Variants in DLG5 observed in about 807,000 individuals in gnomAD.
DLG5 encodes discs large MAGUK scaffold protein 5, also known as disks large homolog 5.
Under a neutral mutation model 189.8 loss-of-function variants are expected in DLG5, and 48 were observed. That is an observed-to-expected ratio of 0.25 (90% CI 0.20 to 0.32). The LOEUF is 0.32. Ranked by LOEUF, DLG5 falls within the 10% of genes least tolerant of loss-of-function variation. The pLI is 1.00. For synonymous variants in DLG5, 1,016 were observed against 1,054.1 expected (o/e 0.96, Z 0.70); for missense variants, 2,160 against 2,544.7 (o/e 0.85, Z 3.25).
chr10:77,812,034 G>A lies in DLG5; in HGVS notation c.4212C>T (p.Ser1404=), dbSNP rs756818308. The A allele has an allele frequency of 1.2e-5, 20 of 1,610,596 alleles. No individual in the cohort carries two copies. Among genetic ancestry groups the A allele is most frequent in the South Asian group, 7.7e-5 (7 of 91,088 alleles). ...TGAGCCGCGCCTGCTGCTCCGTGGCGCTCCGCAGGTTTATGCCGTTGAACT... is the reference window on the plus strand; with the variant it reads ...TGAGCCGCGCCTGCTGCTCCGTGGCACTCCGCAGGTTTATGCCGTTGAACT... ...LLEFNGINLR[S]ATEQQARLII... The change falls in exon 22 of 32, where the codon AGC becomes AGT. Residue 1404 remains serine, a synonymous_variant. Coordinates refer to ENST00000372391, the MANE Select transcript of DLG5 (RefSeq NM_004747.4).
Position 77,885,983 on chromosome 10 carries a change from C to G in DLG5, c.305-16786G>C, listed in dbSNP as rs148661129. 3.0e-3 allele frequency among the ~76,000 whole-genome samples: 454 copies of G among 152,294 alleles called. 2 individuals are homozygous for G. Among genetic ancestry groups the G allele is most frequent in the African/African-American group, 0.01 (435 of 41,562 alleles). On this transcript the variant is annotated intron_variant, in intron 1 of 31. Coordinates refer to ENST00000372391, the MANE Select transcript of DLG5 (RefSeq NM_004747.4). The stretch of plus-strand genomic sequence containing the variant: ...ATCCCTAGGTAGAGAAAGGTCCCCC[C>G]AGATAAGCACCTGGACACCCTGTGC...
Position 77,856,521 on chromosome 10 carries a change from G to A in DLG5, c.536+209C>T, listed in dbSNP as rs189671383. Among the ~76,000 whole-genome samples the A allele has an allele frequency of 1.7e-3, 256 of 152,114 alleles. 1 individual carries two copies. Among genetic ancestry groups the A allele is most frequent in the African/African-American group, 5.3e-3 (221 of 41,484 alleles). On this transcript the variant is annotated intron_variant, in intron 3 of 31. Transcript: ENST00000372391. ...CAAGCACACCACTATCAGGGGCCTT[G>A]CCACATGTGGGATGGGGACCTGCCC...
intron 1 of DLG5, among the ~76,000 whole-genome samples, chr10:77,925,348 G>C (rs1846652907): frequency 6.6e-6 from 1 of 152,176 alleles, no homozygotes; most frequent in Non-Finnish European, 1.5e-5. Context: ...TCAGTGCCAT[G>C]TCTTCTTCCT....
chr10:77,843,330 T>A, intron 6 of DLG5, 117 bp downstream of exon 6: 1 of 1,325,374 alleles, frequency 7.5e-7, no homozygotes, highest in South Asian at 1.4e-5. Context: ...TGTTTCCTGG[T>A]CAGAAGCATT....
chr10:77,796,572 C>G lies in DLG5; in HGVS notation c.5187G>C (p.Gln1729His). The G allele has an allele frequency of 6.2e-7, 1 of 1,614,062 alleles. No individual in the cohort carries two copies. Among genetic ancestry groups the G allele is most frequent in the Non-Finnish European group, 8.5e-7 (1 of 1,179,988 alleles). Residue 1729 changes from glutamine to histidine, a missense_variant, in exon 28 of 32, where the codon CAG (glutamine) becomes CAC (histidine). Coordinates refer to ENST00000372391, the MANE Select transcript of DLG5 (RefSeq NM_004747.4). This position sits in a 1 kb window ranked among gnomAD's most constrained non-coding sequence, Gnocchi z 5.2. ...LFEDSVSLAY[Q>H]RVQKVDCTAL... ...CGGTGCAGTCCACCTTCTGGACCCG[C>G]TGATAGGCCAGGCTCACCGAATCTG...
intron 24 of DLG5, 92 bp from the exon 25 acceptor site, chr10:77,808,036 A>T (rs1261990): frequency 0.29 from 420,208 of 1,466,142 alleles, 62,207 homozygotes; most frequent in Admixed American, 0.43. Context: ...TACGGCAGAA[A>T]TTCAACATCC....
At chr10:77,830,133 A>G (rs535305585) in intron 11 of DLG5, 84 bp downstream of exon 11, 28 of 1,561,258 alleles carry the variant, frequency 1.8e-5, no homozygotes, top group Middle Eastern at 2.2e-4. Context: ...ACGTTCACCT[A>G]AGTGCTACCT....
intron 1 of DLG5, among the ~76,000 whole-genome samples, chr10:77,871,209 C>T (rs554620285): frequency 1.3e-5 from 2 of 152,218 alleles, no homozygotes; most frequent in Non-Finnish European, 1.5e-5. Context: ...AAACCAGGAG[C>T]AGCGGGTGGA....
rs1053842810 is a variant in DLG5, at chr10:77,848,886, A to G, written c.864+4468T>C. Among the ~76,000 whole-genome samples, 12 of 152,088 alleles carry G rather than the reference A, an allele frequency of 7.9e-5. No individual in the cohort carries two copies. The East Asian group carries it at 2.3e-3, about 29-fold the overall frequency. On this transcript the variant is annotated intron_variant, in intron 5 of 31. Transcript: ENST00000372391. ...GGGTGGCTGCCCACATTGGTTGAAGATTTTTTTTCTATTTTAACTAAAGAA... is the reference window on the plus strand; with the variant it reads ...GGGTGGCTGCCCACATTGGTTGAAGGTTTTTTTTCTATTTTAACTAAAGAA...
chr10:77,888,358 C>T (rs370974072), intron 1 of DLG5, among the ~76,000 whole-genome samples: 1 of 152,182 alleles, frequency 6.6e-6, no homozygotes, highest in African/African-American at 2.4e-5. Context: ...CCTGCGTGGA[C>T]AGCCCAGTCT....
rs941562173 is a variant in DLG5 at position 77,841,960 on chromosome 10, A to T, written c.1358T>A (p.Val453Glu). ...ISELDKLQTE[V>E]ELAESKLKSS... is the part of the protein sequence containing the mutation. ...CTTGAGCTTGGACTCGGCCAGCTCC[A>T]CTTCGGTCTGCAGCTTGTCCAGCTC... Residue 453 changes from valine to glutamate, a missense_variant, in exon 7 of 32, where the codon GTG becomes GAG. By Grantham distance (121) the Val-to-Glu change is moderately radical. Transcript: ENST00000372391. The T allele has an allele frequency of 1.9e-6, 3 of 1,614,042 alleles. No individual in the cohort carries two copies. The African/African-American group carries it at 4.0e-5, about 22-fold the overall frequency.
At chr10:77,856,482 G>C (rs1338318736) in intron 3 of DLG5, among the ~76,000 whole-genome samples, 1 of 142,714 alleles carries the variant, frequency 7.0e-6, no homozygotes, top group Non-Finnish European at 1.5e-5. Context: ...ACACACACGA[G>C]CTGACTTTGC....
In DLG5 at chr10:77,812,015, G is replaced by A. The variant is rs371304368; in HGVS notation, c.4231C>T (p.Arg1411Trp). ...NLRSATEQQA[R>W]LIIGQQCDTI... Reference sequence around the variant, plus strand: ...TCACACTGCTGCCCGATGATGAGCCGCGCCTGCTGCTCCGTGGCGCTCCGC... The same window carrying A: ...TCACACTGCTGCCCGATGATGAGCCACGCCTGCTGCTCCGTGGCGCTCCGC... Residue 1411 changes from arginine (R) to tryptophan (W), a missense_variant, in exon 22 of 32, where the codon CGG becomes TGG. This residue lies in a region of DLG5 where 61 missense variants were observed against 101.0 expected (regional missense o/e 0.60). Transcript: ENST00000372391. 3.7e-6 allele frequency: 6 copies of A among 1,611,248 alleles called. No homozygotes were observed. Among genetic ancestry groups the A allele is most frequent in the South Asian group, 1.1e-5 (1 of 91,082 alleles).
chr10:77,885,260 C>T (rs927645581), intron 1 of DLG5, among the ~76,000 whole-genome samples: 1 of 152,194 alleles, frequency 6.6e-6, no homozygotes, highest in African/African-American at 2.4e-5. Flanking sequence ...CCATGCTACT[C>T]TTTGTTTAAA....
the DLG5 span, among the ~76,000 whole-genome samples, chr10:77,937,995 G>A: frequency 1.3e-5 from 2 of 150,944 alleles, no homozygotes; most frequent in Non-Finnish European, 2.9e-5. Context: ...TGGGATTACA[G>A]GCGTGAGCCA....
At position 77,856,828 on chromosome 10, in the gene DLG5, C is replaced by T. The variant is rs762703071; in HGVS notation, c.438G>A (p.Val146=). 21 of 1,613,040 alleles carry T rather than the reference C, an allele frequency of 1.3e-5. No individual in the cohort carries two copies. The Admixed American group carries it at 3.0e-4, about 23-fold the overall frequency. ...LLTDQQVNEK[V]ENLSIQLRLM... ...GCCGCAGCTGAATGGAGAGGTTCTC[C>T]ACCTTCTCATTCACTTGCTGGTCAG... is the stretch of plus-strand genomic sequence containing the variant. The change falls in exon 3 of 32, where the codon GTG becomes GTA. Residue 146 remains valine, a synonymous_variant. Coordinates refer to ENST00000372391, the MANE Select transcript of DLG5 (RefSeq NM_004747.4).
intron 5 of DLG5, among the ~76,000 whole-genome samples, chr10:77,848,543 CAT>C (rs1367025551): frequency 1.3e-5 from 2 of 152,050 alleles, no homozygotes; most frequent in Non-Finnish European, 1.5e-5. Context: ...AACACAAAGA[CAT>C]GTGTGTCCAC....
chr10:77,862,106 C>T (rs1844494378), intron 2 of DLG5, among the ~76,000 whole-genome samples: 1 of 152,200 alleles, frequency 6.6e-6, no homozygotes, highest in Admixed American at 6.5e-5. Context: ...TGTCTTTTTA[C>T]TTGCATCTAG....
At chr10:77,825,374 C>CCACACACACACACACA (rs59102694) in intron 13 of DLG5, among the ~76,000 whole-genome samples, 7,080 of 130,764 alleles carry the variant, frequency 0.054, 356 homozygotes, top group Admixed American at 0.099. Context: ...CCACACACAA[C>CCACACACACACACACA]CACACACACA....
Sources: gnomAD v4.1 joint callset for allele counts (sites outside exome capture counted in the v4.1 genomes callset) on GRCh38, gnomAD v4.1.1 for gene constraint, gnomAD v4.1.1 regional missense constraint, Gnocchi (gnomAD v3.1) non-coding constraint, MANE v1.5 for transcripts, NCBI Gene and HGNC (gene_info 2026-07-23, HGNC 2026-07-21) for gene names.